Variants in NRXN3 observed in about 807,000 individuals in gnomAD.
NRXN3 encodes neurexin 3.
Under a neutral mutation model 137.6 loss-of-function variants are expected in NRXN3, and 32 were observed. The observed-to-expected ratio is 0.23, with a 90% CI of 0.18 to 0.31. The LOEUF (loss-of-function observed/expected upper bound fraction) is 0.31, where lower values mean the gene tolerates loss of function less well. Ranked by LOEUF, NRXN3 falls within the 10% of genes least tolerant of loss-of-function variation. The pLI, the probability that NRXN3 is intolerant of heterozygous loss-of-function variation, is 1.00. For synonymous variants in NRXN3, 798 were observed against 784.5 expected, an observed-to-expected ratio of 1.02 and a Z score of -0.29; for missense variants, 1,574 against 2,062.5, an observed-to-expected ratio of 0.76 and a Z score of 4.59.
chr14:79,834,433 C>A (rs1363160310), intron 20 of NRXN3, among the ~76,000 whole-genome samples: 1 of 152,108 alleles, frequency 6.6e-6, no homozygotes, highest in Non-Finnish European at 1.5e-5. Flanking sequence ...TTATTTTAAT[C>A]TTTCCATTTC....
chr14:78,232,984 A>G (rs562979939), intron 1 of NRXN3, among the ~76,000 whole-genome samples: 2 of 152,266 alleles, frequency 1.3e-5, no homozygotes, highest in South Asian at 2.1e-4. Flanking sequence ...GGTGTGTGAG[A>G]GAAGAGTTTG....
At chr14:79,684,158 C>T (rs142263055) in intron 17 of NRXN3, among the ~76,000 whole-genome samples, 37 of 152,284 alleles carry the variant, frequency 2.4e-4, no homozygotes, top group African/African-American at 8.7e-4. Context: ...TAGAGTTAAA[C>T]ATTTTCTTAC....
intron 4 of NRXN3, among the ~76,000 whole-genome samples, chr14:78,344,481 C>T (rs2082484810): frequency 1.3e-5 from 2 of 152,238 alleles, no homozygotes. Context: ...CACTGACTCA[C>T]AACACATGCT....
Position 79,726,421 on chromosome 14 carries a change from A to AT in NRXN3, c.4014+28493dup, listed in dbSNP as rs1347229439. Among the ~76,000 whole-genome samples, 11 of 151,840 alleles carry AT rather than the reference A, an allele frequency of 7.2e-5. No homozygotes were observed. In the East Asian group the frequency reaches 7.8e-4, roughly 11 times the overall value. ...TTATACTAACAATTTGGCTAGCAGAATTTTTTTTTAAAATCCTCCATTTGC... is the reference window on the plus strand; with the variant it reads ...TTATACTAACAATTTGGCTAGCAGAATTTTTTTTTTAAAATCCTCCATTTGC... On this transcript the variant is annotated intron_variant, in intron 19 of 20. Transcript: ENST00000335750.
At chr14:78,362,601 A>G (rs928596651) in intron 4 of NRXN3, among the ~76,000 whole-genome samples, 33 of 152,320 alleles carry the variant, frequency 2.2e-4, no homozygotes, top group Non-Finnish European at 3.7e-4. Flanking sequence ...AGTCATGGTG[A>G]GAAAGATATA....
chr14:79,569,799 G>A (rs1419358692), intron 16 of NRXN3, among the ~76,000 whole-genome samples: 2 of 152,064 alleles, frequency 1.3e-5, no homozygotes, highest in Admixed American at 6.6e-5. Flanking sequence ...TGTAGAGACC[G>A]GGTTTTGCCA....
chr14:79,602,002 C>T (rs905493436), intron 16 of NRXN3, among the ~76,000 whole-genome samples: 39 of 152,238 alleles, frequency 2.6e-4, no homozygotes, highest in Admixed American at 4.6e-4. Context: ...ATCCAGAAGT[C>T]GAGACTTTTA....
At chr14:79,666,210 A>T (rs1266202313) in intron 17 of NRXN3, among the ~76,000 whole-genome samples, 7 of 151,984 alleles carry the variant, frequency 4.6e-5, no homozygotes, top group Non-Finnish European at 7.4e-5. Flanking sequence ...CCAAATTCTC[A>T]TTTTGTACTT....
At chr14:78,817,804 T>C (rs562755313) in intron 10 of NRXN3, among the ~76,000 whole-genome samples, 1 of 152,110 alleles carries the variant, frequency 6.6e-6, no homozygotes, top group Admixed American at 6.5e-5. Flanking sequence ...TTATGAGGGA[T>C]TCACCCCGTG....
intron 4 of NRXN3, among the ~76,000 whole-genome samples, chr14:78,580,942 A>G (rs1053050860): frequency 1.3e-5 from 2 of 152,226 alleles, no homozygotes; most frequent in East Asian, 3.9e-4. Context: ...ATTGTTTACC[A>G]TGACCCTTCC....
rs556323444 is a variant in NRXN3, at chr14:79,604,313, C to A, written c.3445-59465C>A. Among the ~76,000 whole-genome samples the A allele has an allele frequency of 4.6e-5, 7 of 152,084 alleles. No individual in the cohort carries two copies. The South Asian group carries it at 6.2e-4, about 13-fold the overall frequency. Reference sequence around the variant, plus strand: ...GCAGTGGTGTGATCTCAGCTCACTACAAACTCTGCCTCCTGGGTTCAAGCA... The same window carrying A: ...GCAGTGGTGTGATCTCAGCTCACTAAAAACTCTGCCTCCTGGGTTCAAGCA... On this transcript the variant is annotated intron_variant, in intron 16 of 20. Transcript: ENST00000335750.
chr14:78,260,423 T>TA (rs771172813), intron 2 of NRXN3, among the ~76,000 whole-genome samples: 6 of 152,190 alleles, frequency 3.9e-5, no homozygotes, highest in South Asian at 2.1e-4. Context: ...ACTTAGGACT[T>TA]ACGCTTCTAA....
chr14:79,853,786 A>G, intron 20 of NRXN3: 1 of 1,002,998 alleles, frequency 1.0e-6, no homozygotes, highest in Non-Finnish European at 1.2e-6. Flanking sequence ...AAATATATAT[A>G]TCTGAAAACT....
intron 15 of NRXN3, among the ~76,000 whole-genome samples, chr14:79,186,455 A>G (rs2063557602): frequency 6.6e-6 from 1 of 152,168 alleles, no homozygotes; most frequent in Non-Finnish European, 1.5e-5. Context: ...TTTGGAAACA[A>G]TGGGCAGTCA....
At chr14:78,952,809 G>A (rs2099389574) in intron 10 of NRXN3, among the ~76,000 whole-genome samples, 1 of 152,148 alleles carries the variant, frequency 6.6e-6, no homozygotes, top group Non-Finnish European at 1.5e-5. Flanking sequence ...ATAGAAAGAT[G>A]TTCAGGTAAA....
At chr14:79,442,845 T>C (rs1333187410) in intron 15 of NRXN3, among the ~76,000 whole-genome samples, 2 of 152,268 alleles carry the variant, frequency 1.3e-5, no homozygotes, top group African/African-American at 4.8e-5. Context: ...AGGGACACCC[T>C]AGACGTTCAA....
chr14:78,413,426 C>A (rs2092948627), intron 4 of NRXN3, among the ~76,000 whole-genome samples: 1 of 152,198 alleles, frequency 6.6e-6, no homozygotes, highest in South Asian at 2.1e-4. Context: ...GCTGGGATTA[C>A]AGGCATGTGC....
chr14:78,676,696 A>G (rs891284698), intron 6 of NRXN3, among the ~76,000 whole-genome samples: 8 of 152,180 alleles, frequency 5.3e-5, no homozygotes, highest in South Asian at 2.1e-4. Flanking sequence ...AAAGCCTTCT[A>G]TTGGATAAGA....
At chr14:78,888,658 A>G (rs2099150340) in intron 10 of NRXN3, among the ~76,000 whole-genome samples, 1 of 151,938 alleles carries the variant, frequency 6.6e-6, no homozygotes, top group Non-Finnish European at 1.5e-5. Context: ...GAACCCACAA[A>G]GTTTATTCAA....
Sources: gnomAD v4.1 joint callset for allele counts (sites outside exome capture counted in the v4.1 genomes callset) on GRCh38, gnomAD v4.1.1 for gene constraint, MANE v1.5 for transcripts, NCBI Gene and HGNC (gene_info 2026-07-23, HGNC 2026-07-21) for gene names.